PRICKLE2: variants seen among roughly 807,000 people sequenced by gnomAD.
PRICKLE2 encodes the protein prickle-like protein 2.
Under a neutral mutation model 81.4 loss-of-function variants are expected in PRICKLE2, and 21 were observed. That is an observed-to-expected ratio of 0.26 (90% CI 0.18 to 0.37). The LOEUF (loss-of-function observed/expected upper bound fraction) is 0.37, where lower values mean the gene tolerates loss of function less well. Ranked by LOEUF, PRICKLE2 falls within the 10% of genes least tolerant of loss-of-function variation. The probability of loss-of-function intolerance (pLI) is 1.00; values close to 1 mark genes in which losing one functional copy is unlikely to be tolerated. For synonymous variants in PRICKLE2, 456 were observed against 421.5 expected (o/e 1.08, Z -1.00); for missense variants, 940 against 1,109.0 (o/e 0.85, Z 2.16).
At chr3:64,198,137 G>A (rs921121867) in intron 2 of PRICKLE2, among the ~76,000 whole-genome samples, 5 of 151,884 alleles carry the variant, frequency 3.3e-5, no homozygotes, top group African/African-American at 4.8e-5. Context: ...GCGTGAACCC[G>A]GGAGGCAGAG....
At chr3:64,112,807 A>G (rs1024580705) in intron 7 of PRICKLE2, among the ~76,000 whole-genome samples, 3 of 152,198 alleles carry the variant, frequency 2.0e-5, no homozygotes, top group African/African-American at 7.2e-5. Flanking sequence ...TTAACTGAAT[A>G]AGCAAAAAAC....
intron 1 of PRICKLE2, chr3:64,200,975 ACTG>A (rs1213265339): frequency 7.2e-6 from 1 of 139,662 alleles, no homozygotes. Flanking sequence ...TGTCGCCCAG[ACTG>A]GAGTGCAGTG....
At chr3:64,163,244 C>G in intron 2 of PRICKLE2, 115 bp from the exon 3 acceptor site, 1 of 767,692 alleles carries the variant, frequency 1.3e-6, no homozygotes, top group East Asian at 2.5e-5. Flanking sequence ...GCAGTCCTGA[C>G]TCTTTATGAA....
intron 2 of PRICKLE2, among the ~76,000 whole-genome samples, chr3:64,238,701 G>A (rs541978713): frequency 6.6e-6 from 1 of 152,120 alleles, no homozygotes; most frequent in Non-Finnish European, 1.5e-5. Context: ...CTTATTAGCT[G>A]TGTGAATTGG....
rs1349171272 is a variant in PRICKLE2, at chr3:64,198,876, A to C, written c.52T>G (p.Phe18Val). The stretch of plus-strand genomic sequence containing the variant: ...GAGGTCGAGTTCCTCTGAAAGTCAA[A>C]CATGAGTTTGCTGATGGTCTTCTCC... The part of the protein sequence containing the change: ...EMEKTISKLM[F>V]DFQRNSTSDD... Residue 18 changes from phenylalanine to valine, a missense_variant, in exon 2 of 8, where the codon TTT (phenylalanine) becomes GTT (valine). Physicochemically the swap from Phe to Val is conservative, Grantham distance 50. This residue lies in a region of PRICKLE2 where 270 missense variants were observed against 391.8 expected (regional missense o/e 0.69). Transcript: ENST00000638394. 3 of 1,614,144 alleles carry C rather than the reference A, an allele frequency of 1.9e-6. No homozygotes were observed. Among genetic ancestry groups the C allele is most frequent in the East Asian group, 4.5e-5 (2 of 44,886 alleles).
At chr3:64,258,665 G>GA (rs936317608) in intron 2 of PRICKLE2, among the ~76,000 whole-genome samples, 97 of 145,568 alleles carry the variant, frequency 6.7e-4, no homozygotes, top group East Asian at 1.6e-3. Flanking sequence ...CTTAAAAAAA[G>GA]AAAAAAAAAA....
At chr3:64,116,641 A>G (rs1328519359) in intron 7 of PRICKLE2, among the ~76,000 whole-genome samples, 2 of 152,204 alleles carry the variant, frequency 1.3e-5, no homozygotes, top group South Asian at 2.1e-4. Context: ...CCAAGAATGA[A>G]CCAGGAAGAA....
At chr3:64,240,044 G>A (rs1302759811) in intron 2 of PRICKLE2, among the ~76,000 whole-genome samples, 1 of 151,852 alleles carries the variant, frequency 6.6e-6, no homozygotes, top group Non-Finnish European at 1.5e-5. Context: ...GATCACTTGA[G>A]GCTGGGAGGT....
chr3:64,142,313 C>CTTTCTT (rs558592913), intron 7 of PRICKLE2, among the ~76,000 whole-genome samples: 5 of 132,770 alleles, frequency 3.8e-5, no homozygotes, highest in Non-Finnish European at 4.7e-5. Flanking sequence ...TTCTTTCTTT[C>CTTTCTT]TTTTTTTTTT....
In PRICKLE2 at chr3:64,157,350, T is replaced by C. The variant is rs2107034872; in HGVS notation, c.412A>G (p.Asn138Asp). The change falls in exon 5 of 8, where the codon AAT (asparagine) becomes GAT (aspartate). Residue 138 changes from asparagine to aspartate, a missense_variant. By Grantham distance (23) the Asn-to-Asp change is conservative. This residue lies in a region of PRICKLE2 where 270 missense variants were observed against 391.8 expected (regional missense o/e 0.69). Transcript: ENST00000638394. ...GCAAACACAGCGATGTCTCCACCAT[T>C]GATCTGGCCTCCGCACTGTGAGGCA... is the stretch of plus-strand genomic sequence containing the variant. ...AICEQCGGQI[N>D]GGDIAVFASR... 2.5e-6 allele frequency: 4 copies of C among 1,613,196 alleles called. No individual in the cohort carries two copies. The highest frequency in any genetic ancestry group is 4.5e-5 in the East Asian group (2 of 44,866).
Position 64,163,003 on chromosome 3 carries a change from T to G in PRICKLE2, c.258+13A>C, listed in dbSNP as rs774204532. On this transcript the variant is annotated intron_variant, in intron 3 of 7. Transcript: ENST00000638394. The stretch of plus-strand genomic sequence containing the variant: ...CTAAGAAAATTCTGCATAAGCCCCC[T>G]CTAGCCCCTTACCTCATTGTCATGT... 2.6e-6 allele frequency: 4 copies of G among 1,564,146 alleles called. No homozygotes were observed. Among genetic ancestry groups the G allele is most frequent in the Non-Finnish European group, 3.5e-6 (4 of 1,134,384 alleles).
At chr3:64,177,005 G>A (rs892347516) in intron 2 of PRICKLE2, among the ~76,000 whole-genome samples, 4 of 151,774 alleles carry the variant, frequency 2.6e-5, no homozygotes, top group South Asian at 4.2e-4. Context: ...TGGTTTGGAT[G>A]AGCTAGAGTA....
At chr3:64,149,527 G>A (rs2077510533) in intron 6 of PRICKLE2, among the ~76,000 whole-genome samples, 1 of 152,184 alleles carries the variant, frequency 6.6e-6, no homozygotes. Flanking sequence ...ATGACTGTAG[G>A]GTGGACCAGG....
chr3:64,157,146 T>C lies in PRICKLE2; in HGVS notation c.600+16A>G. 6.2e-7 allele frequency: 1 copy of C among 1,612,760 alleles called. No individual in the cohort carries two copies. The highest frequency in any genetic ancestry group is 8.5e-7 in the Non-Finnish European group (1 of 1,178,788). On this transcript the variant is annotated intron_variant, in intron 5 of 7. Coordinates refer to ENST00000638394, the MANE Select transcript of PRICKLE2 (RefSeq NM_198859.4). ...AGGGGTGATGGGCAGGTAAACCTGC[T>C]GGAGTTTGCTCTAACCTCATCGCAG...
At chr3:64,116,537 A>G (rs907913044) in intron 7 of PRICKLE2, among the ~76,000 whole-genome samples, 3 of 152,246 alleles carry the variant, frequency 2.0e-5, no homozygotes, top group Non-Finnish European at 2.9e-5. Context: ...CTACAGAAAT[A>G]TAAACAACCA....
intron 2 of PRICKLE2, among the ~76,000 whole-genome samples, chr3:64,167,410 G>T (rs979170580): frequency 9.9e-5 from 15 of 152,160 alleles, no homozygotes; most frequent in Non-Finnish European, 4.4e-5. Context: ...ATCATACTAG[G>T]TAACTTTCCC....
intron 2 of PRICKLE2, among the ~76,000 whole-genome samples, chr3:64,164,075 G>A (rs1426385018): frequency 6.6e-6 from 1 of 152,098 alleles, no homozygotes; most frequent in East Asian, 1.9e-4. Flanking sequence ...TGAGGGCTCT[G>A]AAAGTCATCA....
chr3:64,149,370 C>T (rs1466538415), intron 6 of PRICKLE2, among the ~76,000 whole-genome samples: 1 of 152,244 alleles, frequency 6.6e-6, no homozygotes, highest in Non-Finnish European at 1.5e-5. Flanking sequence ...CAACACCTCT[C>T]ATTGCTTTTT....
Position 64,099,543 on chromosome 3 carries a change from A to C in PRICKLE2, c.2043T>G (p.Arg681=), listed in dbSNP as rs750355356. The C allele has an allele frequency of 1.2e-6, 2 of 1,607,374 alleles. No homozygotes were observed. The highest frequency in any genetic ancestry group is 4.5e-5 in the East Asian group (2 of 44,730). ...RRATSRDDNR[R]FRPHRSRRSR... is the part of the protein sequence containing the mutation. ...AACGCCTGGACCTGTGAGGTCGGAA[A>C]CGGCGGTTGTCGTCGCGTGAAGTAG... is the stretch of plus-strand genomic sequence containing the variant. The change falls in exon 8 of 8, where the codon CGT becomes CGG. Residue 681 remains arginine (R), a synonymous_variant. Coordinates refer to ENST00000638394, the MANE Select transcript of PRICKLE2 (RefSeq NM_198859.4). The surrounding 1 kb of genome is among the most constrained non-coding windows in gnomAD (Gnocchi z 4.3).
Sources: gnomAD v4.1 joint callset for allele counts (sites outside exome capture counted in the v4.1 genomes callset) on GRCh38, gnomAD v4.1.1 for gene constraint, gnomAD v4.1.1 regional missense constraint, Gnocchi (gnomAD v3.1) non-coding constraint, MANE v1.5 for transcripts, NCBI Gene and HGNC (gene_info 2026-07-23, HGNC 2026-07-21) for gene names.